The following ARHGAP23 variants were observed in gnomAD, a reference collection of about 807,000 sequenced individuals.
ARHGAP23 encodes the protein rho GTPase-activating protein 23.
In ARHGAP23, 34 loss-of-function variants were observed where a neutral mutation model predicts 136.3. That is an observed-to-expected ratio of 0.25 (90% CI 0.19 to 0.33). ARHGAP23 has a LOEUF of 0.33. ARHGAP23 is among the 10% of genes least tolerant of loss of function. The probability of loss-of-function intolerance (pLI) is 1.00; values close to 1 mark genes in which losing one functional copy is unlikely to be tolerated. For synonymous variants in ARHGAP23, 832 were observed against 920.5 expected (o/e 0.90, Z 1.74); for missense variants, 1,808 against 2,139.0 (o/e 0.85, Z 3.05).
chr17:38,466,039 C>T lies in ARHGAP23; in HGVS notation c.484-128C>T, dbSNP rs1166882087. The T allele has an allele frequency of 2.5e-5, 17 of 667,142 alleles. No homozygotes were observed. In the Middle Eastern group the frequency reaches 1.5e-3, roughly 59 times the overall value. 41.3% of individuals were successfully genotyped at this position (667,142 alleles called of 1,614,324 possible). A position where few individuals can be genotyped will look rare whatever the true frequency, so the allele number is the denominator to read the frequency against. On this transcript the variant is annotated intron_variant, in intron 6 of 23. Transcript: ENST00000622683. ...CCCCCACCCACTTATGCCTCTCCCT[C>T]GTTCCCCCCACCGCTTGGTCCTCTC...
Position 38,462,985 on chromosome 17 carries a change from C to G in ARHGAP23, c.349+44C>G, listed in dbSNP as rs146555807. The stretch of plus-strand genomic sequence containing the variant: ...CTGGGCTCTACTTTCTACCTTCTGG[C>G]TAGGATTTTATTCTCAGATCCAGGT... On this transcript the variant is annotated intron_variant, in intron 4 of 23. Coordinates refer to ENST00000622683, the MANE Select transcript of ARHGAP23 (RefSeq NM_001199417.2). 8.9e-4 allele frequency: 1,371 copies of G among 1,543,136 alleles called. 13 individuals are homozygous for G. In the African/African-American group the frequency reaches 0.015, roughly 17 times the overall value.
chr17:38,479,950 C>A, intron 14 of ARHGAP23, 67 bp downstream of exon 14: 2 of 1,527,478 alleles, frequency 1.3e-6, no homozygotes, highest in Non-Finnish European at 8.8e-7. Flanking sequence ...GGAGGGCACG[C>A]GTGTGTGTGT....
rs916696442 is a variant in ARHGAP23, at chr17:38,440,681, G to A, written c.63+12133G>A. 2.6e-5 allele frequency among the ~76,000 whole-genome samples: 4 copies of A among 152,340 alleles called. No individual in the cohort carries two copies. In the South Asian group the frequency reaches 8.3e-4, roughly 32 times the overall value. ...CCTAGAATGAAAGAAAGAGGAACCGGCTCTGAAGGTGACTGCTTTCTTTGG... is the reference window on the plus strand; with the variant it reads ...CCTAGAATGAAAGAAAGAGGAACCGACTCTGAAGGTGACTGCTTTCTTTGG... On this transcript the variant is annotated intron_variant, in intron 1 of 23. Transcript: ENST00000622683.
At chr17:38,463,006 C>T in intron 4 of ARHGAP23, 65 bp downstream of exon 4, 1 of 1,537,450 alleles carries the variant, frequency 6.5e-7, no homozygotes, top group Non-Finnish European at 8.8e-7. Context: ...TTCTCAGATC[C>T]AGGTGTTGGG....
chr17:38,453,181 C>T (rs937864802), intron 1 of ARHGAP23, among the ~76,000 whole-genome samples: 2 of 151,824 alleles, frequency 1.3e-5, no homozygotes, highest in Admixed American at 6.6e-5. Flanking sequence ...GTATGTGGAC[C>T]GTATACACTT....
In ARHGAP23 at chr17:38,463,370, C is replaced by T; in HGVS notation, c.471C>T (p.Asp157=). ...LELSIMPKDE[D]ILQLAYSQDA... ...TGTCTATCATGCCCAAGGACGAGGA[C>T]ATCCTCCAGCTGGTGAGTCCAGCCC... Residue 157 remains aspartate, a synonymous_variant, in exon 6 of 24, where the codon GAC becomes GAT. Coordinates refer to ENST00000622683, the MANE Select transcript of ARHGAP23 (RefSeq NM_001199417.2). 1.3e-6 allele frequency: 2 copies of T among 1,551,690 alleles called. No individual in the cohort carries two copies. The highest frequency in any genetic ancestry group is 2.4e-5 in the East Asian group (1 of 40,910).
chr17:38,503,125 CAGAG>C (rs2040557636), intron 23 of ARHGAP23, among the ~76,000 whole-genome samples: 2 of 151,962 alleles, frequency 1.3e-5, no homozygotes, highest in East Asian at 1.9e-4. Context: ...AGGTGAGAGA[CAGAG>C]AGAGAGAGGA....
intron 11 of ARHGAP23, among the ~76,000 whole-genome samples, chr17:38,474,746 C>T (rs1323119466): frequency 7.2e-6 from 1 of 139,268 alleles, no homozygotes; most frequent in African/African-American, 2.5e-5. Context: ...CCGGCTGAGC[C>T]TTGAGAGAAG....
chr17:38,434,705 C>G (rs1035415720), intron 1 of ARHGAP23, among the ~76,000 whole-genome samples: 1 of 152,326 alleles, frequency 6.6e-6, no homozygotes, highest in Middle Eastern at 3.4e-3. Flanking sequence ...TCATTCTGGC[C>G]CGAGAGTGTT....
chr17:38,465,584 CA>C (rs918517908), intron 6 of ARHGAP23, among the ~76,000 whole-genome samples: 15 of 152,238 alleles, frequency 9.9e-5, no homozygotes, highest in Admixed American at 1.3e-4. Flanking sequence ...ATTCCAGGCC[CA>C]GGGGTGGCAG....
At chr17:38,428,819 C>A (rs2038620383) in intron 1 of ARHGAP23, among the ~76,000 whole-genome samples, 2 of 152,272 alleles carry the variant, frequency 1.3e-5, no homozygotes, top group African/African-American at 2.4e-5. Flanking sequence ...GGCACAGACC[C>A]AGGTGGCGGT....
At chr17:38,499,592 C>T (rs1043236199) in intron 22 of ARHGAP23, among the ~76,000 whole-genome samples, 1 of 152,200 alleles carries the variant, frequency 6.6e-6, no homozygotes, top group African/African-American at 2.4e-5. Flanking sequence ...TCACCAGAGG[C>T]AGGCTCAGGA....
chr17:38,486,020 G>C (rs566672375), intron 16 of ARHGAP23, 42 bp from the exon 17 acceptor site: 29 of 1,531,480 alleles, frequency 1.9e-5, no homozygotes, highest in Non-Finnish European at 2.2e-5. Context: ...CATGGGCATC[G>C]GGCTGGGCCT....
chr17:38,491,601 C>G, intron 20 of ARHGAP23, 69 bp downstream of exon 20: 1 of 1,541,256 alleles, frequency 6.5e-7, no homozygotes, highest in Non-Finnish European at 8.8e-7. Flanking sequence ...GAGCCCCTCG[C>G]TCTTGCTCCG....
In ARHGAP23 at chr17:38,482,695, G is replaced by A. The variant is rs1387335249; in HGVS notation, c.2907+17G>A. On this transcript the variant is annotated intron_variant, in intron 16 of 23. Transcript: ENST00000622683. ...CAGGATGAGGTGGGTGAAGCTGGGGGGTCTGTGGAAGAGGGGCTGAGATGG... is the reference window on the plus strand; with the variant it reads ...CAGGATGAGGTGGGTGAAGCTGGGGAGTCTGTGGAAGAGGGGCTGAGATGG... 3.2e-6 allele frequency: 5 copies of A among 1,542,516 alleles called. No individual in the cohort carries two copies. In the East Asian group the frequency reaches 9.8e-5, roughly 30 times the overall value.
In ARHGAP23 at chr17:38,469,524, G is replaced by A. The variant is rs539422507; in HGVS notation, c.1805G>A (p.Ser602Asn). The A allele has an allele frequency of 3.6e-5, 55 of 1,547,922 alleles. No homozygotes were observed. In the African/African-American group the frequency reaches 6.0e-4, roughly 17 times the overall value. The part of the protein sequence containing the change: ...TLGRHYSQDC[S>N]SIKAGRRSSY... ...AGGCCCGATGTGGGCGGCTTTGCAG[G>A]CAGCATCAAGGCTGGCCGCCGCTCC... The change falls in exon 9 of 24, where the codon AGC becomes AAC. Residue 602 changes from serine (S) to asparagine (N), a missense_variant and splice_region_variant. Around this residue, in one of 7 missense-constraint regions of ARHGAP23, gnomAD observed 859 missense variants for 936.4 expected, o/e 0.92. Transcript: ENST00000622683.
At chr17:38,449,999 T>C (rs981699844) in intron 1 of ARHGAP23, among the ~76,000 whole-genome samples, 6 of 152,166 alleles carry the variant, frequency 3.9e-5, no homozygotes, top group African/African-American at 1.4e-4. Flanking sequence ...TTGCTTCTAC[T>C]CCTCCAGTCC....
rs2039772360 is a variant in ARHGAP23, at chr17:38,472,022, G to C, written c.2118+16G>C. On this transcript the variant is annotated intron_variant, in intron 11 of 23. Transcript: ENST00000622683. ...GAAGGGGAAGGTAAGATGGGTGGAG[G>C]AATGAGGTGGAAGCTGGCTCCAGCA... 6.5e-7 allele frequency: 1 copy of C among 1,539,058 alleles called. No individual in the cohort carries two copies. Among genetic ancestry groups the C allele is most frequent in the East Asian group, 2.4e-5 (1 of 40,872 alleles).
At chr17:38,422,429 A>G (rs145254584) in intron 1 of ARHGAP23, among the ~76,000 whole-genome samples, 316 of 152,242 alleles carry the variant, frequency 2.1e-3, no homozygotes, top group African/African-American at 7.3e-3. Context: ...ACTCATACAC[A>G]GGGTCCGTGC....
Sources: gnomAD v4.1 joint callset for allele counts (sites outside exome capture counted in the v4.1 genomes callset) on GRCh38, gnomAD v4.1.1 for gene constraint, gnomAD v4.1.1 regional missense constraint, MANE v1.5 for transcripts, NCBI Gene and HGNC (gene_info 2026-07-23, HGNC 2026-07-21) for gene names.